Variants in SOX6 observed in about 807,000 individuals in gnomAD.
SOX6 encodes the protein SRY-box transcription factor 6, also known as transcription factor SOX-6.
Under a neutral mutation model 97.8 loss-of-function variants are expected in SOX6, and 11 were observed. The observed-to-expected ratio is 0.11, with a 90% CI of 0.07 to 0.19. The LOEUF (loss-of-function observed/expected upper bound fraction) is 0.19. SOX6 is among the 10% of genes least tolerant of loss of function. SOX6 has a pLI of 1.00. For synonymous variants in SOX6, 360 were observed against 371.4 expected (o/e 0.97, Z 0.35); for missense variants, 810 against 1,039.5 (o/e 0.78, Z 3.04).
chr11:16,148,064 T>C (rs1850359603), intron 6 of SOX6, among the ~76,000 whole-genome samples: 1 of 152,204 alleles, frequency 6.6e-6, no homozygotes, highest in South Asian at 2.1e-4. Flanking sequence ...ATAATTTTTA[T>C]AGCCATTGAA....
intron 4 of SOX6, among the ~76,000 whole-genome samples, chr11:16,580,452 G>A (rs1293739336): frequency 2.0e-5 from 3 of 151,552 alleles, no homozygotes; most frequent in Non-Finnish European, 4.4e-5. Context: ...AAAAAACACA[G>A]ATCCTGTGTA....
chr11:16,447,578 T>C (rs1859638404), intron 1 of SOX6, among the ~76,000 whole-genome samples: 2 of 152,142 alleles, frequency 1.3e-5, no homozygotes, highest in Admixed American at 6.5e-5. Flanking sequence ...TGATACATAC[T>C]GTTATTAATA....
chr11:16,387,257 A>AT (rs113782419), intron 1 of SOX6, among the ~76,000 whole-genome samples: 44 of 151,548 alleles, frequency 2.9e-4, no homozygotes, highest in Middle Eastern at 6.8e-3. Context: ...TATACCTGTA[A>AT]TTTTTTTTTC....
intron 13 of SOX6, among the ~76,000 whole-genome samples, chr11:16,001,348 TC>T (rs1177627555): frequency 6.6e-6 from 1 of 152,160 alleles, no homozygotes. Flanking sequence ...CTCATTACAA[TC>T]TTTTAAAATG....
intron 6 of SOX6, among the ~76,000 whole-genome samples, chr11:16,143,422 G>T (rs541341614): frequency 6.6e-6 from 1 of 152,220 alleles, no homozygotes; most frequent in African/African-American, 2.4e-5. Flanking sequence ...GATCATCAAG[G>T]CTAGGAAGAA....
chr11:15,976,343 T>C (rs1853485571), intron 15 of SOX6, among the ~76,000 whole-genome samples: 1 of 152,180 alleles, frequency 6.6e-6, no homozygotes, highest in Admixed American at 6.5e-5. Flanking sequence ...GGCTAATTAT[T>C]ATCACTGACA....
intron 1 of SOX6, among the ~76,000 whole-genome samples, chr11:16,379,250 T>A (rs982986144): frequency 6.6e-6 from 1 of 152,272 alleles, no homozygotes; most frequent in African/African-American, 2.4e-5. Context: ...GTGGATTGCC[T>A]GAGGCTGGAA....
intron 6 of SOX6, among the ~76,000 whole-genome samples, chr11:16,125,866 GGAAGGA>G (rs1849597589): frequency 6.7e-6 from 1 of 148,930 alleles, no homozygotes; most frequent in African/African-American, 2.5e-5. Context: ...AAGGAAGGAA[GGAAGGA>G]AGGAAAGTTT....
chr11:16,361,790 A>G (rs2134377264), intron 1 of SOX6, among the ~76,000 whole-genome samples: 1 of 152,294 alleles, frequency 6.6e-6, no homozygotes, highest in South Asian at 2.1e-4. Flanking sequence ...AATCTTTTAA[A>G]CTTTATTAAG....
At chr11:16,389,969 T>TAAAAAAAAAAAAAAAAAAAAAAAAAA (rs536056301) in intron 1 of SOX6, among the ~76,000 whole-genome samples, 18 of 41,846 alleles carry the variant, frequency 4.3e-4, no homozygotes, top group East Asian at 1.2e-3. Context: ...GACTCCGTCT[T>TAAAAAAAAAAAAAAAAAAAAAAAAAA]AAAAAAAAAA....
chr11:16,495,089 A>C (rs571088469), intron 4 of SOX6, among the ~76,000 whole-genome samples: 1 of 152,244 alleles, frequency 6.6e-6, no homozygotes, highest in South Asian at 2.1e-4. Flanking sequence ...GCTGGCTGCC[A>C]CTGCCAAAGC....
chr11:16,159,331 T>C (rs990184253), intron 6 of SOX6, among the ~76,000 whole-genome samples: 3 of 152,138 alleles, frequency 2.0e-5, no homozygotes, highest in African/African-American at 7.2e-5. Flanking sequence ...GGATAAATAT[T>C]ACTGTTTCTT....
chr11:16,393,466 T>C (rs980717701), intron 1 of SOX6, among the ~76,000 whole-genome samples: 1 of 152,090 alleles, frequency 6.6e-6, no homozygotes. Flanking sequence ...CACATTGCTC[T>C]TCACTTTCTC....
intron 6 of SOX6, among the ~76,000 whole-genome samples, chr11:16,130,908 G>T (rs917188210): frequency 4.0e-5 from 6 of 151,754 alleles, no homozygotes; most frequent in Non-Finnish European, 8.8e-5. Context: ...CTATAAATAG[G>T]TATCTGTAAA....
At chr11:16,040,535 T>C (rs1440525620) in intron 12 of SOX6, among the ~76,000 whole-genome samples, 1 of 152,046 alleles carries the variant, frequency 6.6e-6, no homozygotes, top group African/African-American at 2.4e-5. Flanking sequence ...TATGTTCTTT[T>C]AAAAAAACAC....
At position 16,564,361 on chromosome 11, in the gene SOX6, C is replaced by T. The variant is rs192317583; in HGVS notation, n.609+47720G>A. ...ATTGGATATAAAGGGAGGTAAGGTTCTTACACTTGATGCAAACTGGTAAAC... is the reference window on the plus strand; with the variant it reads ...ATTGGATATAAAGGGAGGTAAGGTTTTTACACTTGATGCAAACTGGTAAAC... On this transcript the variant is annotated intron_variant and non_coding_transcript_variant, in intron 4 of 5. Transcript: ENST00000524520. Among the ~76,000 whole-genome samples, 64 of 152,258 alleles carry T rather than the reference C, an allele frequency of 4.2e-4. 1 individual carries two copies. The East Asian group carries it at 8.5e-3, about 20-fold the overall frequency.
chr11:16,502,654 C>A (rs4132854), intron 4 of SOX6, among the ~76,000 whole-genome samples: 26,173 of 151,730 alleles, frequency 0.17, 2,289 homozygotes, highest in African/African-American at 0.2. Context: ...TTGAAATAAC[C>A]AAGTCAGATT....
At chr11:16,053,499 T>A (rs1018043328) in intron 10 of SOX6, among the ~76,000 whole-genome samples, 1 of 152,148 alleles carries the variant, frequency 6.6e-6, no homozygotes, top group Non-Finnish European at 1.5e-5. Flanking sequence ...ATTTATAGAA[T>A]ACTCACTATA....
chr11:16,055,660 C>T (rs1847796144), intron 10 of SOX6, 92 bp downstream of exon 10: 5 of 1,507,662 alleles, frequency 3.3e-6, no homozygotes, highest in African/African-American at 1.4e-5. Flanking sequence ...TGCTATGTTT[C>T]CTGCTGTTTA....
Sources: allele counts gnomAD v4.1 joint callset (sites outside exome capture counted in the v4.1 genomes callset), GRCh38; gene constraint gnomAD v4.1.1; transcripts MANE v1.5; gene names NCBI Gene and HGNC (gene_info 2026-07-23, HGNC 2026-07-21).